HMCN1: variants seen among roughly 807,000 people sequenced by gnomAD.
The protein encoded by HMCN1 is hemicentin 1.
HMCN1 carries 321 observed loss-of-function variants against 625.9 expected under a neutral mutation model. That is an observed-to-expected ratio of 0.51 (90% CI 0.47 to 0.56). HMCN1 has a LOEUF of 0.56. Ranked by LOEUF, HMCN1 falls within the 20% of genes least tolerant of loss-of-function variation. The probability of loss-of-function intolerance (pLI) is 0.00; values close to 1 mark genes in which losing one functional copy is unlikely to be tolerated. For missense variants in HMCN1, 6,588 were observed against 6,887.3 expected, an observed-to-expected ratio of 0.96 and a Z score of 1.54; for synonymous variants, 2,425 against 2,417.6, an observed-to-expected ratio of 1.00 and a Z score of -0.09.
chr1:186,139,622 T>C (rs560292234), intron 89 of HMCN1, among the ~76,000 whole-genome samples: 1 of 151,878 alleles, frequency 6.6e-6, no homozygotes, highest in African/African-American at 2.4e-5. Flanking sequence ...AAAGGCTTTC[T>C]CTAGTTATTT....
intron 67 of HMCN1, among the ~76,000 whole-genome samples, chr1:186,094,748 G>A (rs573262541): frequency 1.3e-5 from 2 of 152,264 alleles, no homozygotes; most frequent in Admixed American, 1.3e-4. Context: ...ATGCATGTGT[G>A]TGTATGCGTA....
intron 71 of HMCN1, among the ~76,000 whole-genome samples, chr1:186,110,271 A>AG (rs1398072173): frequency 6.6e-6 from 1 of 152,202 alleles, no homozygotes; most frequent in Admixed American, 6.5e-5. Flanking sequence ...ACTAGAAAGC[A>AG]GAGTATAAGA....
intron 48 of HMCN1, among the ~76,000 whole-genome samples, chr1:186,063,774 C>T (rs1657927275): frequency 6.6e-6 from 1 of 152,128 alleles, no homozygotes; most frequent in Non-Finnish European, 1.5e-5. Flanking sequence ...TTGAATATTA[C>T]AGAGGGAATA....
At chr1:185,987,377 T>C in intron 19 of HMCN1, 55 bp from the exon 20 acceptor site, 2 of 1,044,400 alleles carry the variant, frequency 1.9e-6, no homozygotes, top group South Asian at 2.5e-5. Context: ...TTTAAATAGA[T>C]GATTTTAAAT....
At chr1:186,082,310 T>C (rs1051658166) in intron 56 of HMCN1, among the ~76,000 whole-genome samples, 8 of 152,204 alleles carry the variant, frequency 5.3e-5, no homozygotes, top group African/African-American at 1.9e-4. Context: ...TGCTAGATGA[T>C]TCTTCCGGAT....
At chr1:185,948,178 G>T (rs868363745) in intron 11 of HMCN1, among the ~76,000 whole-genome samples, 20 of 152,164 alleles carry the variant, frequency 1.3e-4, no homozygotes, top group African/African-American at 4.3e-4. Flanking sequence ...CAACTCAATA[G>T]AAATTAGTTC....
chr1:186,149,503 G>A (rs1364769105), intron 93 of HMCN1, among the ~76,000 whole-genome samples: 2 of 152,156 alleles, frequency 1.3e-5, no homozygotes, highest in East Asian at 1.9e-4. Flanking sequence ...GAACATTGTG[G>A]CTGGTTTGAT....
At chr1:186,089,449 T>G (rs952836862) in intron 63 of HMCN1, among the ~76,000 whole-genome samples, 1 of 151,976 alleles carries the variant, frequency 6.6e-6, no homozygotes, top group Non-Finnish European at 1.5e-5. Flanking sequence ...GTATCTGTTG[T>G]GTGCTCTGCT....
At chr1:186,159,720 A>G (rs892232000) in intron 97 of HMCN1, among the ~76,000 whole-genome samples, 32 of 152,160 alleles carry the variant, frequency 2.1e-4, no homozygotes, top group Non-Finnish European at 3.1e-4. Context: ...GCTAGATTAC[A>G]TTTATTGATT....
At chr1:186,033,193 G>A (rs568142695) in intron 36 of HMCN1, among the ~76,000 whole-genome samples, 2 of 152,160 alleles carry the variant, frequency 1.3e-5, no homozygotes, top group South Asian at 4.1e-4. Flanking sequence ...AGTAACCCAG[G>A]AATGGAAAAC....
rs115140505 is a variant in HMCN1, at chr1:185,864,698, C to G, written c.498+70C>G. ...GTAAGAGATTGCCTGTCCTCTTTGA[C>G]TCTTCCATGTGTGGTCAATAACAAT... On this transcript the variant is annotated intron_variant, in intron 3 of 106. Coordinates refer to ENST00000271588, the MANE Select transcript of HMCN1 (RefSeq NM_031935.3). 2,241 of 1,371,932 alleles carry G rather than the reference C, an allele frequency of 1.6e-3. 28 individuals carry two copies. In the African/African-American group the frequency reaches 0.028, roughly 17 times the overall value. The allele number at this position is 1,371,932 out of a possible 1,614,324, so 85.0% of individuals were successfully genotyped here.
At chr1:185,777,066 C>A (rs1167559049) in intron 1 of HMCN1, among the ~76,000 whole-genome samples, 1 of 152,150 alleles carries the variant, frequency 6.6e-6, no homozygotes. Context: ...CCATACAGGA[C>A]AATATTTATT....
At chr1:185,828,610 ACTT>A (rs1240307668) in intron 1 of HMCN1, among the ~76,000 whole-genome samples, 1 of 152,264 alleles carries the variant, frequency 6.6e-6, no homozygotes, top group African/African-American at 2.4e-5. Flanking sequence ...AAAACACAAT[ACTT>A]CTTTTCAAGT....
rs1451192092 is a variant in HMCN1, at chr1:186,093,164, T to G, written c.9918T>G (p.Ile3306Met). Residue 3306 changes from isoleucine (I) to methionine (M), a missense_variant, in exon 65 of 107, where the codon ATT becomes ATG. Ile to Met is a conservative substitution (Grantham distance 10, BLOSUM62 1). This residue lies in a region of HMCN1 where 4,628 missense variants were observed against 4,853.1 expected (regional missense o/e 0.95). Coordinates refer to ENST00000271588, the MANE Select transcript of HMCN1 (RefSeq NM_031935.3). Reference sequence around the variant, plus strand: ...GTGCAAATGGCAGCACATTAAACATTTATGGAGCTCTTACATCTGACACGG... The same window carrying G: ...GTGCAAATGGCAGCACATTAAACATGTATGGAGCTCTTACATCTGACACGG... ...RVSANGSTLN[I>M]YGALTSDTGK... The G allele has an allele frequency of 6.2e-7, 1 of 1,613,348 alleles. No homozygotes were observed. The highest frequency in any genetic ancestry group is 8.5e-7 in the Non-Finnish European group (1 of 1,179,550).
chr1:186,142,646 A>G (rs1035962033), intron 89 of HMCN1, among the ~76,000 whole-genome samples: 38 of 152,058 alleles, frequency 2.5e-4, no homozygotes, highest in Non-Finnish European at 5.9e-5. Flanking sequence ...TTTTCTTGCT[A>G]TCATTCCATT....
rs748722327 is a variant in HMCN1, at chr1:186,117,074, G to A, written c.11642G>A (p.Gly3881Asp). 3 of 1,613,522 alleles carry A rather than the reference G, an allele frequency of 1.9e-6. No homozygotes were observed. The Admixed American group carries it at 5.0e-5, about 27-fold the overall frequency. Residue 3881 changes from glycine to aspartate, a missense_variant, in exon 76 of 107, where the codon GGT becomes GAT. Gly to Asp is a moderately conservative substitution (Grantham distance 94, BLOSUM62 -1). Around this residue, in one of 3 missense-constraint regions of HMCN1, gnomAD observed 4,628 missense variants for 4,853.1 expected, o/e 0.95. Coordinates refer to ENST00000271588, the MANE Select transcript of HMCN1 (RefSeq NM_031935.3). ...ACCTATGAATGTACTGTGACAAACG[G>A]TGCTGGAGATGATAAAAGAACTGTG... The part of the protein sequence containing the change: ...TATYECTVTN[G>D]AGDDKRTVDL...
chr1:185,809,544 C>T (rs1659381914), intron 1 of HMCN1, among the ~76,000 whole-genome samples: 1 of 151,468 alleles, frequency 6.6e-6, no homozygotes, highest in Non-Finnish European at 1.5e-5. Context: ...TCTGAAATTC[C>T]TACTGTGCAT....
chr1:186,050,540 T>G (rs917557065), intron 42 of HMCN1, among the ~76,000 whole-genome samples: 1 of 152,028 alleles, frequency 6.6e-6, no homozygotes, highest in Non-Finnish European at 1.5e-5. Context: ...AGTGTTGTTC[T>G]CAGAAGAAAA....
intron 4 of HMCN1, among the ~76,000 whole-genome samples, chr1:185,881,284 G>A (rs79867289): frequency 2.0e-5 from 3 of 152,340 alleles, no homozygotes; most frequent in Non-Finnish European, 2.9e-5. Flanking sequence ...TTTATTGCTG[G>A]TGAAAGTAGC....
Sources: gnomAD v4.1 joint callset for allele counts (sites outside exome capture counted in the v4.1 genomes callset) on GRCh38, gnomAD v4.1.1 for gene constraint, gnomAD v4.1.1 regional missense constraint, MANE v1.5 for transcripts, NCBI Gene and HGNC (gene_info 2026-07-23, HGNC 2026-07-21) for gene names.